The following FOXP2 variants were observed in gnomAD, a reference collection of about 807,000 sequenced individuals.
FOXP2 encodes the protein forkhead box protein P2.
Under a neutral mutation model 115.8 loss-of-function variants are expected in FOXP2, and 12 were observed. The ratio of observed to expected loss-of-function variants is 0.10; its 90% CI spans 0.07 to 0.17. The LOEUF is 0.17. Among genes scored for constraint, FOXP2 ranks in the 10% least tolerant of loss-of-function variants. The pLI, the probability that FOXP2 is intolerant of heterozygous loss-of-function variation, is 1.00. For missense variants in FOXP2, 629 were observed against 843.5 expected, an observed-to-expected ratio of 0.75 and a Z score of 3.15; for synonymous variants, 328 against 297.7, an observed-to-expected ratio of 1.10 and a Z score of -1.05.
chr7:114,631,635 C>G lies in FOXP2; in HGVS notation c.705C>G (p.Ser235Arg). The G allele has an allele frequency of 6.2e-7, 1 of 1,614,062 alleles. No homozygotes were observed. The highest frequency in any genetic ancestry group is 1.3e-5 in the African/African-American group (1 of 75,048). ...QQLQQQQHLLSLQRQGLISIP... is the reference protein window; with the variant it reads ...QQLQQQQHLLRLQRQGLISIP... ...TCCAGCAGCAGCAGCATCTGCTCAG[C>G]CTTCAGCGTCAGGGACTCATCTCCA... Residue 235 changes from serine (S) to arginine (R), a missense_variant, in exon 6 of 17, where the codon AGC becomes AGG. This residue lies in a region of FOXP2 where 138 missense variants were observed against 205.1 expected (regional missense o/e 0.67). Coordinates refer to ENST00000350908, the MANE Select transcript of FOXP2 (RefSeq NM_014491.4).
At chr7:114,638,475 A>G (rs895118260) in intron 6 of FOXP2, among the ~76,000 whole-genome samples, 1 of 152,206 alleles carries the variant, frequency 6.6e-6, no homozygotes, top group Non-Finnish European at 1.5e-5. Flanking sequence ...ATTGCAAACC[A>G]TCAAGCCTTC....
intron 2 of FOXP2, among the ~76,000 whole-genome samples, chr7:114,492,752 T>G (rs1797125856): frequency 6.6e-6 from 1 of 152,196 alleles, no homozygotes; most frequent in Non-Finnish European, 1.5e-5. Flanking sequence ...TGAGTTCTAG[T>G]TTGATTGCAC....
intron 2 of FOXP2, among the ~76,000 whole-genome samples, chr7:114,349,514 C>T (rs1916976): frequency 0.092 from 13,952 of 151,962 alleles, 707 homozygotes; most frequent in Middle Eastern, 0.16. Flanking sequence ...ATCATTTATT[C>T]GATATTTCTA....
intron 1 of FOXP2, among the ~76,000 whole-genome samples, chr7:114,096,524 G>A (rs1008048928): frequency 1.3e-5 from 2 of 152,058 alleles, no homozygotes; most frequent in East Asian, 1.9e-4. Flanking sequence ...ACAGTAAAAC[G>A]ACAGTGCAAT....
chr7:114,431,822 A>G (rs1167687155), intron 2 of FOXP2, among the ~76,000 whole-genome samples: 1 of 151,972 alleles, frequency 6.6e-6, no homozygotes, highest in African/African-American at 2.4e-5. Context: ...ATAATGTGAA[A>G]TGGTGGAAAA....
intron 2 of FOXP2, among the ~76,000 whole-genome samples, chr7:114,490,878 G>A (rs910773011): frequency 6.6e-6 from 1 of 152,124 alleles, no homozygotes; most frequent in African/African-American, 2.4e-5. Flanking sequence ...GTGTATATGT[G>A]CCACATTTTC....
At chr7:114,463,799 C>G (rs1305855372) in intron 2 of FOXP2, among the ~76,000 whole-genome samples, 4 of 152,126 alleles carry the variant, frequency 2.6e-5, no homozygotes, top group Non-Finnish European at 1.5e-5. Flanking sequence ...AGGTAAAAAA[C>G]AGTACAGTAT....
intron 3 of FOXP2, among the ~76,000 whole-genome samples, chr7:114,628,285 C>G (rs1804704780): frequency 6.6e-6 from 1 of 151,984 alleles, no homozygotes; most frequent in African/African-American, 2.4e-5. Flanking sequence ...AGCCGAAATT[C>G]AAATATCTAA....
At chr7:114,376,958 T>C (rs1291368288) in intron 2 of FOXP2, among the ~76,000 whole-genome samples, 1 of 152,200 alleles carries the variant, frequency 6.6e-6, no homozygotes, top group African/African-American at 2.4e-5. Context: ...CTCAGTTTCC[T>C]CTGAATATTG....
At chr7:114,431,297 A>G (rs1159563301) in intron 2 of FOXP2, among the ~76,000 whole-genome samples, 1 of 151,882 alleles carries the variant, frequency 6.6e-6, no homozygotes, top group Non-Finnish European at 1.5e-5. Flanking sequence ...GCCTTTTCTC[A>G]TTTCACAGCC....
At chr7:114,571,858 A>T (rs1377346306) in intron 3 of FOXP2, among the ~76,000 whole-genome samples, 1 of 151,722 alleles carries the variant, frequency 6.6e-6, no homozygotes, top group Non-Finnish European at 1.5e-5. Context: ...ACACATACCG[A>T]AGGACTACTA....
intron 1 of FOXP2, among the ~76,000 whole-genome samples, chr7:114,222,016 G>C (rs1436214163): frequency 6.6e-6 from 1 of 152,134 alleles, no homozygotes; most frequent in African/African-American, 2.4e-5. Context: ...AGATACACCT[G>C]CTTACCCATG....
intron 2 of FOXP2, among the ~76,000 whole-genome samples, chr7:114,469,444 C>A (rs1344401973): frequency 6.6e-6 from 1 of 152,146 alleles, no homozygotes; most frequent in Non-Finnish European, 1.5e-5. Flanking sequence ...CACCTCAAAG[C>A]TGATTGCTAG....
chr7:114,099,154 A>G (rs1799717299), intron 1 of FOXP2, among the ~76,000 whole-genome samples: 1 of 152,152 alleles, frequency 6.6e-6, no homozygotes, highest in South Asian at 2.1e-4. Context: ...ACAAACAAAC[A>G]GAAAAAAAGC....
At chr7:114,256,823 A>G (rs1329896770) in intron 1 of FOXP2, among the ~76,000 whole-genome samples, 1 of 152,266 alleles carries the variant, frequency 6.6e-6, no homozygotes, top group Non-Finnish European at 1.5e-5. Flanking sequence ...AAAACATTCC[A>G]TGCTCATGGA....
intron 2 of FOXP2, among the ~76,000 whole-genome samples, chr7:114,358,274 A>G (rs771177289): frequency 6.6e-6 from 1 of 152,180 alleles, no homozygotes; most frequent in Non-Finnish European, 1.5e-5. Context: ...CTCCCCAGCC[A>G]TGTGGAACTG....
intron 1 of FOXP2, among the ~76,000 whole-genome samples, chr7:114,224,656 A>C (rs905202525): frequency 6.6e-6 from 1 of 152,194 alleles, no homozygotes; most frequent in African/African-American, 2.4e-5. Context: ...AAAGCAAAGC[A>C]ATCATAGTGG....
intron 2 of FOXP2, among the ~76,000 whole-genome samples, chr7:114,492,804 C>T (rs1013246596): frequency 2.0e-5 from 3 of 152,074 alleles, no homozygotes; most frequent in African/African-American, 7.2e-5. Context: ...TGTTCTTTTA[C>T]ATTTGCTGAG....
At chr7:114,143,599 A>T (rs1188786568) in intron 1 of FOXP2, among the ~76,000 whole-genome samples, 1 of 152,108 alleles carries the variant, frequency 6.6e-6, no homozygotes, top group Non-Finnish European at 1.5e-5. Flanking sequence ...TTTAACATAT[A>T]CTTCCATTAT....
Sources: allele counts gnomAD v4.1 joint callset (sites outside exome capture counted in the v4.1 genomes callset), GRCh38; gene constraint gnomAD v4.1.1; regional missense constraint gnomAD v4.1.1; transcripts MANE v1.5; gene names NCBI Gene and HGNC (gene_info 2026-07-23, HGNC 2026-07-21).